The following SLC12A3 variants were observed in gnomAD, a reference collection of about 807,000 sequenced individuals.
The protein encoded by SLC12A3 is Na-Cl cotransporter.
Under a neutral mutation model 121.0 loss-of-function variants are expected in SLC12A3, and 104 were observed. That is an observed-to-expected ratio of 0.86 (90% confidence interval 0.73 to 1.01). The LOEUF (loss-of-function observed/expected upper bound fraction) is 1.01. Among genes scored for constraint, SLC12A3 ranks in the 50% least tolerant of loss-of-function variants. SLC12A3 has a pLI of 0.00. For missense variants in SLC12A3, 1,328 were observed against 1,356.3 expected, an observed-to-expected ratio of 0.98 and a Z score of 0.33; for synonymous variants, 536 against 533.4, an observed-to-expected ratio of 1.00 and a Z score of -0.07.
chr16:56,899,520 T>G lies in SLC12A3; in HGVS notation c.2634-10T>G. On this transcript the variant is annotated splice_polypyrimidine_tract_variant and intron_variant, in intron 22 of 25. Coordinates refer to ENST00000563236, the MANE Select transcript of SLC12A3 (RefSeq NM_001126108.2). ...AAGTAATAACAATAAACCCTCCATG[T>G]GTCCTCCAGGATCATTTCTCTGCTG... 1.2e-6 allele frequency: 2 copies of G among 1,606,272 alleles called. No individual in the cohort carries two copies. Among genetic ancestry groups the G allele is most frequent in the Non-Finnish European group, 1.7e-6 (2 of 1,172,808 alleles).
At position 56,892,189 on chromosome 16, in the gene SLC12A3, A is replaced by G. The variant is rs2055397420; in HGVS notation, c.2419+56A>G. 10 of 1,553,458 alleles carry G rather than the reference A, an allele frequency of 6.4e-6. No individual in the cohort carries two copies. The Admixed American group carries it at 1.5e-4, about 23-fold the overall frequency. ...AGTGTTCCCACTCAGAGCTCAGGGC[A>G]CTCTAGCCCTGTGGGGTGGCTAGGG... On this transcript the variant is annotated intron_variant, in intron 20 of 25. Coordinates refer to ENST00000563236, the MANE Select transcript of SLC12A3 (RefSeq NM_001126108.2).
chr16:56,889,466 T>C (rs561754641), intron 18 of SLC12A3, among the ~76,000 whole-genome samples: 4 of 152,222 alleles, frequency 2.6e-5, no homozygotes, highest in Admixed American at 1.3e-4. Context: ...CTTCCAGACA[T>C]CTTTAATTAT....
intron 8 of SLC12A3, among the ~76,000 whole-genome samples, chr16:56,876,662 C>G (rs2055167958): frequency 6.6e-6 from 1 of 152,220 alleles, no homozygotes; most frequent in Admixed American, 6.5e-5. Flanking sequence ...CCAGGCCTGC[C>G]ACATCCTCCC....
At chr16:56,881,052 G>A (rs2055233404) in intron 12 of SLC12A3, among the ~76,000 whole-genome samples, 2 of 152,234 alleles carry the variant, frequency 1.3e-5, no homozygotes, top group East Asian at 3.8e-4. Flanking sequence ...GAACTCGCGA[G>A]GAGAGAGGTG....
At chr16:56,906,882 G>T in intron 25 of SLC12A3, 1 of 575,284 alleles carries the variant, frequency 1.7e-6, no homozygotes, top group Non-Finnish European at 3.3e-6. Context: ...AATGAAGGAA[G>T]TTAAGGGGAC....
chr16:56,881,081 A>C (rs906906116), intron 12 of SLC12A3, among the ~76,000 whole-genome samples: 2 of 152,074 alleles, frequency 1.3e-5, no homozygotes, highest in Non-Finnish European at 2.9e-5. Flanking sequence ...AAGCACGGGC[A>C]GTGGCCATGC....
intron 19 of SLC12A3, among the ~76,000 whole-genome samples, chr16:56,891,250 G>T (rs1466474725): frequency 6.6e-6 from 1 of 151,416 alleles, no homozygotes; most frequent in Non-Finnish European, 1.5e-5. Context: ...CACGTGTCTG[G>T]AGTCTCAGCT....
Position 56,876,509 on chromosome 16 carries a change from C to A in SLC12A3, c.1096-1568C>A, listed in dbSNP as rs113007274. The stretch of plus-strand genomic sequence containing the variant: ...CAGAGCCCTGGGGTGGAGACTCCAC[C>A]CAAAGCCCTGGGAGACCGAGGCAGG... On this transcript the variant is annotated intron_variant, in intron 8 of 25. Coordinates refer to ENST00000563236, the MANE Select transcript of SLC12A3 (RefSeq NM_001126108.2). Among the ~76,000 whole-genome samples the A allele has an allele frequency of 8.4e-3, 1,284 of 152,260 alleles. 19 individuals are homozygous for A. Among genetic ancestry groups the A allele is most frequent in the African/African-American group, 0.029 (1,221 of 41,542 alleles).
At chr16:56,881,110 G>A (rs1268860321) in intron 12 of SLC12A3, among the ~76,000 whole-genome samples, 1 of 128,470 alleles carries the variant, frequency 7.8e-6, no homozygotes, top group African/African-American at 3.4e-5. Context: ...GATGTCCCCT[G>A]GCCCCTGCTC....
At chr16:56,900,550 A>ATTTATTTATTTATTTATTTATTT (rs2055524558) in intron 23 of SLC12A3, among the ~76,000 whole-genome samples, 1 of 70,784 alleles carries the variant, frequency 1.4e-5, no homozygotes, top group African/African-American at 1.0e-4. Flanking sequence ...TTTATTTATG[A>ATTTATTTATTTATTTATTTATTT]GATAGAGTCT....
chr16:56,903,799 GA>G (rs2055570660), intron 24 of SLC12A3, among the ~76,000 whole-genome samples: 2 of 152,186 alleles, frequency 1.3e-5, no homozygotes, highest in Admixed American at 6.5e-5. Flanking sequence ...TCAGCCCCGA[GA>G]CCCTGCCCCA....
chr16:56,875,625 C>T (rs781075256), intron 8 of SLC12A3, among the ~76,000 whole-genome samples: 10 of 152,030 alleles, frequency 6.6e-5, no homozygotes, highest in Admixed American at 2.0e-4. Flanking sequence ...CACAATCCTG[C>T]CCCCACCCCA....
intron 6 of SLC12A3, among the ~76,000 whole-genome samples, chr16:56,871,706 C>T (rs1430214222): frequency 6.6e-6 from 1 of 152,008 alleles, no homozygotes; most frequent in African/African-American, 2.4e-5. Flanking sequence ...ATCACACTCC[C>T]TCTTCTTTAT....
rs536617010 is a variant in SLC12A3, at chr16:56,910,512, A to AT, written c.2925-2745dup. Among the ~76,000 whole-genome samples the AT allele has an allele frequency of 6.7e-3, 1,016 of 151,870 alleles. 20 individuals carry two copies. The highest frequency in any genetic ancestry group is 0.023 in the African/African-American group (960 of 41,418). ...CCACCAGGCCTGGCTAGTTTTTTGT[A>AT]TTTTTTTATGGAGACAGGGTTTTAC... On this transcript the variant is annotated intron_variant, in intron 25 of 25. Coordinates refer to ENST00000563236, the MANE Select transcript of SLC12A3 (RefSeq NM_001126108.2).
chr16:56,894,623 A>T lies in SLC12A3; in HGVS notation c.2614A>T (p.Met872Leu). ...RVFVGGQINRMDQERKAIISL... is the reference protein window; with the variant it reads ...RVFVGGQINRLDQERKAIISL... ...GTTCGTAGGCGGCCAGATTAACAGG[A>T]TGGACCAGGAGAGAAAGGCGTAAGT... The change falls in exon 22 of 26, where the codon ATG becomes TTG. Residue 872 changes from methionine (M) to leucine (L), a missense_variant. Transcript: ENST00000563236. 1 of 1,613,992 alleles carries T rather than the reference A, an allele frequency of 6.2e-7. No homozygotes were observed. The highest frequency in any genetic ancestry group is 8.5e-7 in the Non-Finnish European group (1 of 1,179,902).
chr16:56,888,105 G>A, intron 18 of SLC12A3, 74 bp downstream of exon 18: 2 of 1,113,518 alleles, frequency 1.8e-6, no homozygotes, highest in South Asian at 1.3e-5. Context: ...TGGAAAAGAA[G>A]TAGTGGGTGC....
At chr16:56,902,601 G>C in intron 24 of SLC12A3, 93 bp downstream of exon 24, 1 of 1,485,246 alleles carries the variant, frequency 6.7e-7, no homozygotes, top group Non-Finnish European at 9.2e-7. Flanking sequence ...CCCTCCCCTC[G>C]ATCCTCCACC....
At position 56,869,533 on chromosome 16, in the gene SLC12A3, G is replaced by A. The variant is rs532572340; in HGVS notation, c.506-196G>A. The stretch of plus-strand genomic sequence containing the variant: ...AGTAGAGACGGGGTTTCACCATGTT[G>A]GCCAGGCTGGTCTTGAACTCCTGAC... On this transcript the variant is annotated intron_variant, in intron 3 of 25. Coordinates refer to ENST00000563236, the MANE Select transcript of SLC12A3 (RefSeq NM_001126108.2). Among the ~76,000 whole-genome samples, 7 of 152,230 alleles carry A rather than the reference G, an allele frequency of 4.6e-5. No homozygotes were observed. In the East Asian group the frequency reaches 1.4e-3, roughly 29 times the overall value.
chr16:56,879,356 G>C, intron 10 of SLC12A3, 129 bp downstream of exon 10: 1 of 1,289,822 alleles, frequency 7.8e-7, no homozygotes, highest in Non-Finnish European at 1.1e-6. Flanking sequence ...TAGGAGAGAG[G>C]GGTTCAGAGC....
Sources: gnomAD v4.1 joint callset for allele counts (sites outside exome capture counted in the v4.1 genomes callset) on GRCh38, gnomAD v4.1.1 for gene constraint, MANE v1.5 for transcripts, NCBI Gene and HGNC (gene_info 2026-07-23, HGNC 2026-07-21) for gene names.